The following DGKI variants were observed in gnomAD, a reference collection of about 807,000 sequenced individuals.
DGKI encodes diacylglycerol kinase iota.
In DGKI, 55 loss-of-function variants were observed where a neutral mutation model predicts 147.5. That is an observed-to-expected ratio of 0.37 (90% confidence interval 0.30 to 0.47). DGKI has a LOEUF of 0.47. Among genes scored for constraint, DGKI ranks in the 20% least tolerant of loss-of-function variants. The pLI is 1.00. For missense variants in DGKI, 1,007 were observed against 1,323.8 expected (o/e 0.76, Z 3.71); for synonymous variants, 469 against 477.1 (o/e 0.98, Z 0.22).
At chr7:137,766,472 A>G (rs1333996300) in intron 1 of DGKI, among the ~76,000 whole-genome samples, 2 of 152,366 alleles carry the variant, frequency 1.3e-5, no homozygotes, top group African/African-American at 4.8e-5. Context: ...TTGACAAGTT[A>G]TTACTAACCT....
At chr7:137,783,688 A>C (rs895817962) in intron 1 of DGKI, among the ~76,000 whole-genome samples, 1 of 152,240 alleles carries the variant, frequency 6.6e-6, no homozygotes, top group African/African-American at 2.4e-5. Flanking sequence ...GGTTATCCAA[A>C]GTCCAGACAA....
chr7:137,582,488 T>TA (rs1349004964), intron 14 of DGKI, among the ~76,000 whole-genome samples: 13 of 151,574 alleles, frequency 8.6e-5, no homozygotes, highest in African/African-American at 2.7e-4. Context: ...AAAAGTCATA[T>TA]AAAAAATAGG....
intron 21 of DGKI, chr7:137,513,766 TA>T (rs1454537378): frequency 7.7e-6 from 4 of 518,846 alleles, no homozygotes; most frequent in Non-Finnish European, 1.5e-5. Context: ...TTTGGGTATC[TA>T]AAATACCTAA....
At chr7:137,828,686 C>A (rs1722906784) in intron 1 of DGKI, among the ~76,000 whole-genome samples, 1 of 152,198 alleles carries the variant, frequency 6.6e-6, no homozygotes, top group South Asian at 2.1e-4. Flanking sequence ...CAGATAGAAT[C>A]CACACAAACA....
chr7:137,586,937 C>G (rs1819424417), intron 13 of DGKI, among the ~76,000 whole-genome samples, 160 bp downstream of exon 13: 1 of 152,200 alleles, frequency 6.6e-6, no homozygotes, highest in African/African-American at 2.4e-5. Flanking sequence ...ACTGAAGAAG[C>G]TACCAGATCA....
At chr7:137,436,583 G>A (rs1243244485) in intron 28 of DGKI, among the ~76,000 whole-genome samples, 4 of 152,056 alleles carry the variant, frequency 2.6e-5, no homozygotes, top group Non-Finnish European at 5.9e-5. Context: ...GTATATACAA[G>A]ATATTCCAGA....
intron 1 of DGKI, among the ~76,000 whole-genome samples, chr7:137,706,477 C>CTTATT (rs147205940): frequency 0.11 from 15,741 of 147,536 alleles, 1,028 homozygotes; most frequent in Non-Finnish European, 0.16. Context: ...CCAAAACATC[C>CTTATT]TTATTTTATT....
At chr7:137,413,207 A>C (rs1373867361) in intron 28 of DGKI, among the ~76,000 whole-genome samples, 2 of 149,306 alleles carry the variant, frequency 1.3e-5, no homozygotes, top group Non-Finnish European at 3.0e-5. Context: ...GTGGAGTTGC[A>C]GTGAGCGGAG....
At chr7:137,728,248 C>T (rs1399738753) in intron 1 of DGKI, among the ~76,000 whole-genome samples, 2 of 152,108 alleles carry the variant, frequency 1.3e-5, no homozygotes, top group African/African-American at 4.8e-5. Flanking sequence ...CTGCTCCCAT[C>T]TAAGGAAAGC....
chr7:137,653,263 G>A (rs914968710), intron 5 of DGKI, among the ~76,000 whole-genome samples: 1 of 152,138 alleles, frequency 6.6e-6, no homozygotes, highest in East Asian at 1.9e-4. Flanking sequence ...ATCTACCAAC[G>A]TTATTCTTAG....
chr7:137,807,848 T>C (rs1797429431), intron 1 of DGKI, among the ~76,000 whole-genome samples: 1 of 152,090 alleles, frequency 6.6e-6, no homozygotes. Flanking sequence ...CAGCCCAGAC[T>C]CTCACCTGCC....
At chr7:137,415,298 C>T (rs971876614) in intron 28 of DGKI, among the ~76,000 whole-genome samples, 1 of 152,026 alleles carries the variant, frequency 6.6e-6, no homozygotes, top group African/African-American at 2.4e-5. Context: ...GTAAAAATTA[C>T]AATAAATTTT....
chr7:137,716,591 T>C (rs972208772), intron 1 of DGKI, among the ~76,000 whole-genome samples: 2 of 152,116 alleles, frequency 1.3e-5, no homozygotes, highest in Non-Finnish European at 2.9e-5. Context: ...TAAACAATAA[T>C]GTAGACTGCT....
intron 1 of DGKI, among the ~76,000 whole-genome samples, chr7:137,791,401 A>G (rs908440648): frequency 6.6e-6 from 1 of 152,206 alleles, no homozygotes; most frequent in African/African-American, 2.4e-5. Flanking sequence ...TTTCTAGCAT[A>G]TCTTCTCCAA....
chr7:137,616,089 G>C (rs1820521257), intron 8 of DGKI, among the ~76,000 whole-genome samples: 2 of 152,086 alleles, frequency 1.3e-5, no homozygotes, highest in South Asian at 4.1e-4. Flanking sequence ...AGCAAGGCTG[G>C]CTACAGAAAG....
intron 8 of DGKI, among the ~76,000 whole-genome samples, chr7:137,618,529 C>G (rs1321558349): frequency 6.6e-6 from 1 of 151,582 alleles, no homozygotes; most frequent in Non-Finnish European, 1.5e-5. Flanking sequence ...ATCGCAATGC[C>G]TATTAGCCTT....
At chr7:137,450,028 G>A (rs1343189243) in intron 27 of DGKI, among the ~76,000 whole-genome samples, 1 of 152,166 alleles carries the variant, frequency 6.6e-6, no homozygotes, top group Non-Finnish European at 1.5e-5. Context: ...AAATAAGCCA[G>A]GTAGAGAAAG....
At chr7:137,793,528 T>A (rs995987760) in intron 1 of DGKI, among the ~76,000 whole-genome samples, 7 of 152,194 alleles carry the variant, frequency 4.6e-5, no homozygotes, top group African/African-American at 1.4e-4. Context: ...CTTGAACTCC[T>A]GACCTCAGGT....
At chr7:137,631,257 A>G (rs1017636162) in intron 6 of DGKI, among the ~76,000 whole-genome samples, 2 of 152,156 alleles carry the variant, frequency 1.3e-5, no homozygotes, top group African/African-American at 4.8e-5. Context: ...TGAGAAGGAG[A>G]CTTTAAAATT....
Sources: allele counts gnomAD v4.1 joint callset (sites outside exome capture counted in the v4.1 genomes callset), GRCh38; gene constraint gnomAD v4.1.1; transcripts MANE v1.5; gene names NCBI Gene and HGNC (gene_info 2026-07-23, HGNC 2026-07-21).